Variants in WDPCP observed in about 807,000 individuals in gnomAD.
WDPCP encodes the protein WD repeat-containing and planar cell polarity effector protein fritz homolog.
Under a neutral mutation model 93.1 loss-of-function variants are expected in WDPCP, and 71 were observed. The ratio of observed to expected loss-of-function variants is 0.76; its 90% confidence interval spans 0.63 to 0.93. The LOEUF (loss-of-function observed/expected upper bound fraction) is 0.93, where lower values mean the gene tolerates loss of function less well. Among genes scored for constraint, WDPCP ranks in the 40% least tolerant of loss-of-function variants. The pLI is 0.00. For missense variants in WDPCP, 844 were observed against 887.4 expected (o/e 0.95, Z 0.62); for synonymous variants, 315 against 315.0 (o/e 1.00, Z 0.00).
chr2:63,583,696 A>C (rs1250812068), intron 1 of WDPCP, among the ~76,000 whole-genome samples: 4 of 152,166 alleles, frequency 2.6e-5, no homozygotes, highest in African/African-American at 9.6e-5. Flanking sequence ...AAAAAAAAGA[A>C]AGAAATTTTG....
At chr2:63,807,295 C>T (rs1670781960) in intron 2 of WDPCP, among the ~76,000 whole-genome samples, 1 of 152,170 alleles carries the variant, frequency 6.6e-6, no homozygotes, top group Non-Finnish European at 1.5e-5. Flanking sequence ...TCATGAATGG[C>T]TTAGCGCCAT....
At chr2:63,720,354 T>C (rs1669397750) in intron 2 of WDPCP, among the ~76,000 whole-genome samples, 1 of 150,178 alleles carries the variant, frequency 6.7e-6, no homozygotes, top group Non-Finnish European at 1.5e-5. Flanking sequence ...GAGGCAGAGG[T>C]TGCGGCGAGC....
chr2:63,715,707 C>T (rs1220685641), intron 2 of WDPCP, among the ~76,000 whole-genome samples: 2 of 152,120 alleles, frequency 1.3e-5, no homozygotes, highest in African/African-American at 4.8e-5. Context: ...AGAAAAATAG[C>T]CTATTTCTGC....
intron 1 of WDPCP, among the ~76,000 whole-genome samples, chr2:63,513,993 A>G (rs1702401956): frequency 6.6e-6 from 1 of 152,188 alleles, no homozygotes; most frequent in Admixed American, 6.5e-5. Context: ...GGTGAGGAAA[A>G]GTATCACCCC....
chr2:63,790,800 C>T (rs1007678454), intron 2 of WDPCP, among the ~76,000 whole-genome samples: 4 of 152,158 alleles, frequency 2.6e-5, no homozygotes, highest in Admixed American at 2.6e-4. Context: ...AATAACTGGA[C>T]TCTTCTATGC....
chr2:63,650,135 T>G (rs1301101794), intron 3 of WDPCP, among the ~76,000 whole-genome samples: 2 of 152,208 alleles, frequency 1.3e-5, no homozygotes, highest in Non-Finnish European at 2.9e-5. Flanking sequence ...GTCCAAGACC[T>G]TTGCTCAAGA....
intron 2 of WDPCP, among the ~76,000 whole-genome samples, chr2:63,661,617 A>T (rs993652039): frequency 6.6e-6 from 1 of 152,248 alleles, no homozygotes; most frequent in Non-Finnish European, 1.5e-5. Flanking sequence ...TGCTTGAATC[A>T]TCTTAAATAC....
chr2:63,447,502 C>T (rs1166636964), intron 6 of WDPCP, among the ~76,000 whole-genome samples: 1 of 152,056 alleles, frequency 6.6e-6, no homozygotes, highest in Non-Finnish European at 1.5e-5. Flanking sequence ...AGTCGGAATA[C>T]TGAAAATGCA....
intron 13 of WDPCP, among the ~76,000 whole-genome samples, chr2:63,265,021 CA>C (rs1681980542): frequency 1.3e-5 from 2 of 152,050 alleles, no homozygotes; most frequent in Non-Finnish European, 1.5e-5. Flanking sequence ...AATGAAAACA[CA>C]ATATACCAAA....
At chr2:63,806,322 C>A (rs1575778098) in intron 2 of WDPCP, among the ~76,000 whole-genome samples, 2 of 152,198 alleles carry the variant, frequency 1.3e-5, no homozygotes, top group East Asian at 1.9e-4. Flanking sequence ...GCCACAAAAA[C>A]CAGCAAGTTT....
chr2:63,645,594 A>G (rs1325317171), intron 3 of WDPCP, among the ~76,000 whole-genome samples: 1 of 152,236 alleles, frequency 6.6e-6, no homozygotes, highest in Non-Finnish European at 1.5e-5. Flanking sequence ...CAATGTTGAA[A>G]GTGGAGAGTT....
intron 13 of WDPCP, among the ~76,000 whole-genome samples, chr2:63,265,863 T>A (rs937361016): frequency 2.0e-5 from 3 of 152,056 alleles, no homozygotes; most frequent in African/African-American, 4.8e-5. Flanking sequence ...TCAACATATA[T>A]AAATCAATAA....
chr2:63,386,740 A>C (rs1692760719), intron 10 of WDPCP, among the ~76,000 whole-genome samples: 1 of 152,146 alleles, frequency 6.6e-6, no homozygotes, highest in South Asian at 2.1e-4. Flanking sequence ...GAAAGTACAT[A>C]GCATTTTTAA....
At chr2:63,731,565 A>G (rs1184628475) in intron 2 of WDPCP, among the ~76,000 whole-genome samples, 1 of 152,226 alleles carries the variant, frequency 6.6e-6, no homozygotes, top group Admixed American at 6.5e-5. Context: ...GGAGGAAAGT[A>G]AGATACTAAG....
At chr2:63,599,390 G>A (rs965719174) in intron 3 of WDPCP, 1 of 1,326,042 alleles carries the variant, frequency 7.5e-7, no homozygotes, top group African/African-American at 1.5e-5. Context: ...CTTTTTTCTT[G>A]TTTTTGTTTA....
intron 12 of WDPCP, among the ~76,000 whole-genome samples, chr2:63,340,127 C>G (rs141097026): frequency 6.6e-6 from 1 of 152,216 alleles, no homozygotes; most frequent in South Asian, 2.1e-4. Flanking sequence ...TTCTGTCCAG[C>G]TTGTTTTGTT....
At chr2:63,238,978 C>T (rs1679641247) in intron 14 of WDPCP, among the ~76,000 whole-genome samples, 2 of 152,280 alleles carry the variant, frequency 1.3e-5, no homozygotes, top group African/African-American at 4.8e-5. Context: ...GAGCTACCAA[C>T]ATGGTCACTG....
chr2:63,679,117 G>A (rs1306342411), intron 2 of WDPCP, among the ~76,000 whole-genome samples: 1 of 152,106 alleles, frequency 6.6e-6, no homozygotes, highest in Non-Finnish European at 1.5e-5. Context: ...GTTGACTCTG[G>A]CCTATATAAT....
chr2:63,604,277 C>T (rs1248399112), intron 3 of WDPCP, among the ~76,000 whole-genome samples: 1 of 151,962 alleles, frequency 6.6e-6, no homozygotes, highest in East Asian at 1.9e-4. Context: ...TATAAAGTGC[C>T]TAAATACCTG....
Sources: gnomAD v4.1 joint callset for allele counts (sites outside exome capture counted in the v4.1 genomes callset) on GRCh38, gnomAD v4.1.1 for gene constraint, MANE v1.5 for transcripts, NCBI Gene and HGNC (gene_info 2026-07-23, HGNC 2026-07-21) for gene names.